The following SEMA5A variants were observed in gnomAD, a reference collection of about 807,000 sequenced individuals.
SEMA5A encodes the protein semaphorin 5A, also known as semaphorin-5A.
A neutral mutation model predicts 135.5 loss-of-function variants in SEMA5A; 55 were observed. The observed-to-expected ratio is 0.41, with a 90% CI of 0.33 to 0.51. The LOEUF is 0.51. Among genes scored for constraint, SEMA5A ranks in the 20% least tolerant of loss-of-function variants. SEMA5A has a pLI of 0.37. For synonymous variants in SEMA5A, 580 were observed against 546.5 expected, an observed-to-expected ratio of 1.06 and a Z score of -0.85; for missense variants, 1,290 against 1,419.9, an observed-to-expected ratio of 0.91 and a Z score of 1.47.
chr5:9,253,648 A>T (rs1322945780), intron 5 of SEMA5A, among the ~76,000 whole-genome samples: 1 of 152,178 alleles, frequency 6.6e-6, no homozygotes, highest in Non-Finnish European at 1.5e-5. Context: ...TATCCAGGTG[A>T]TTTAACAAAC....
intron 5 of SEMA5A, among the ~76,000 whole-genome samples, chr5:9,289,163 C>G (rs1469686043): frequency 6.6e-6 from 1 of 152,092 alleles, no homozygotes; most frequent in African/African-American, 2.4e-5. Context: ...ATATTATAAA[C>G]ACATACAGCT....
chr5:9,088,207 G>A (rs1301782438), intron 16 of SEMA5A, among the ~76,000 whole-genome samples: 1 of 151,672 alleles, frequency 6.6e-6, no homozygotes, highest in African/African-American at 2.4e-5. Context: ...GGGAGGCTGA[G>A]GCAGGAGAAT....
At chr5:9,162,577 T>TACATATATATACACATATATAC (rs1316347948) in intron 11 of SEMA5A, among the ~76,000 whole-genome samples, 2 of 128,496 alleles carry the variant, frequency 1.6e-5, no homozygotes, top group African/African-American at 3.2e-5. Flanking sequence ...TATATATATA[T>TACATATATATACACATATATAC]ATATATATAC....
chr5:9,544,004 T>G (rs565570512), intron 1 of SEMA5A, among the ~76,000 whole-genome samples: 1 of 152,330 alleles, frequency 6.6e-6, no homozygotes, highest in South Asian at 2.1e-4. Context: ...TGATAAACAT[T>G]ACACTCTCTA....
At chr5:9,184,233 C>A (rs913949490) in intron 11 of SEMA5A, among the ~76,000 whole-genome samples, 1 of 147,690 alleles carries the variant, frequency 6.8e-6, no homozygotes, top group African/African-American at 2.5e-5. Flanking sequence ...ATCCTGAGAC[C>A]ATGTGATTTT....
At chr5:9,184,010 A>T (rs1341520888) in intron 11 of SEMA5A, among the ~76,000 whole-genome samples, 1 of 152,126 alleles carries the variant, frequency 6.6e-6, no homozygotes, top group African/African-American at 2.4e-5. Flanking sequence ...TACTTTCTCA[A>T]ACCTTCTCTC....
chr5:9,284,420 A>T (rs1750693225), intron 5 of SEMA5A, among the ~76,000 whole-genome samples: 1 of 152,240 alleles, frequency 6.6e-6, no homozygotes, highest in African/African-American at 2.4e-5. Flanking sequence ...TGCTTGCCTG[A>T]AAAGTATCAA....
At chr5:9,532,047 A>G (rs1370051393) in intron 1 of SEMA5A, among the ~76,000 whole-genome samples, 1 of 152,224 alleles carries the variant, frequency 6.6e-6, no homozygotes, top group Admixed American at 6.5e-5. Context: ...GAATGTTTTT[A>G]TCAACCTGAA....
chr5:9,104,880 C>T lies in SEMA5A; in HGVS notation c.2073+3260G>A, dbSNP rs142206168. 1.1e-4 allele frequency among the ~76,000 whole-genome samples: 17 copies of T among 152,306 alleles called. No homozygotes were observed. In the East Asian group the frequency reaches 3.1e-3, roughly 28 times the overall value. ...GTAAACATCTGTGTTTTAAGTGTCTCATTCTGAGCTCACTGGAGCTATGAG... is the reference window on the plus strand; with the variant it reads ...GTAAACATCTGTGTTTTAAGTGTCTTATTCTGAGCTCACTGGAGCTATGAG... On this transcript the variant is annotated intron_variant, in intron 16 of 22. Transcript: ENST00000382496.
chr5:9,295,202 A>T (rs1213391087), intron 5 of SEMA5A, among the ~76,000 whole-genome samples: 1 of 152,196 alleles, frequency 6.6e-6, no homozygotes, highest in Non-Finnish European at 1.5e-5. Flanking sequence ...TTCAGTAAGC[A>T]TAAAAAGGAT....
intron 11 of SEMA5A, among the ~76,000 whole-genome samples, chr5:9,155,472 G>T (rs1387432949): frequency 1.3e-5 from 2 of 150,930 alleles, no homozygotes; most frequent in Non-Finnish European, 2.9e-5. Flanking sequence ...AACGAACATT[G>T]CTCTCCCAGG....
intron 5 of SEMA5A, among the ~76,000 whole-genome samples, chr5:9,265,196 G>T (rs577515991): frequency 6.6e-6 from 1 of 152,030 alleles, no homozygotes; most frequent in South Asian, 2.1e-4. Flanking sequence ...TCAGCTCCAC[G>T]GTCGTGTGCT....
chr5:9,118,902 T>C (rs1740657602), intron 15 of SEMA5A, 96 bp downstream of exon 15: 1 of 1,459,448 alleles, frequency 6.9e-7, no homozygotes, highest in African/African-American at 1.4e-5. Flanking sequence ...CACATAAGCT[T>C]AGGCAGATCC....
chr5:9,303,936 A>G (rs1356236855), intron 5 of SEMA5A, among the ~76,000 whole-genome samples: 1 of 152,200 alleles, frequency 6.6e-6, no homozygotes, highest in Non-Finnish European at 1.5e-5. Flanking sequence ...CTCCAGCAAA[A>G]TATTCCCTTT....
chr5:9,284,368 C>A (rs539023759), intron 5 of SEMA5A, among the ~76,000 whole-genome samples: 1 of 152,244 alleles, frequency 6.6e-6, no homozygotes, highest in East Asian at 1.9e-4. Context: ...AAGGAGAAAG[C>A]AAAAGACCTT....
chr5:9,274,907 T>C (rs1750174137), intron 5 of SEMA5A, among the ~76,000 whole-genome samples: 1 of 151,868 alleles, frequency 6.6e-6, no homozygotes, highest in Admixed American at 6.6e-5. Context: ...CACACTTACA[T>C]CAAAATTAAT....
intron 16 of SEMA5A, among the ~76,000 whole-genome samples, chr5:9,067,847 AT>A (rs1737560234): frequency 6.6e-6 from 1 of 152,036 alleles, no homozygotes; most frequent in South Asian, 2.1e-4. Flanking sequence ...CATAGTTTCC[AT>A]ATCTTCATCT....
At chr5:9,399,652 T>C (rs1216325511) in intron 2 of SEMA5A, among the ~76,000 whole-genome samples, 2 of 152,206 alleles carry the variant, frequency 1.3e-5, no homozygotes, top group African/African-American at 4.8e-5. Flanking sequence ...TAAAAAATAA[T>C]TTCCAACTAG....
At chr5:9,122,388 T>C (rs1012428484) in intron 14 of SEMA5A, among the ~76,000 whole-genome samples, 2 of 152,220 alleles carry the variant, frequency 1.3e-5, no homozygotes, top group Admixed American at 6.5e-5. Context: ...ACATGGATGT[T>C]TTCCTTAAAC....
Sources: allele counts gnomAD v4.1 joint callset (sites outside exome capture counted in the v4.1 genomes callset), GRCh38; gene constraint gnomAD v4.1.1; transcripts MANE v1.5; gene names NCBI Gene and HGNC (gene_info 2026-07-23, HGNC 2026-07-21).